Variants in NTNG1 observed in about 807,000 individuals in gnomAD.
NTNG1 encodes netrin-G1.
Under a neutral mutation model 54.0 loss-of-function variants are expected in NTNG1, and 16 were observed. That is an observed-to-expected ratio of 0.30 (90% CI 0.20 to 0.45). The LOEUF is 0.45. Among genes scored for constraint, NTNG1 ranks in the 20% least tolerant of loss-of-function variants. NTNG1 has a pLI of 1.00. For synonymous variants in NTNG1, 255 were observed against 263.1 expected, an observed-to-expected ratio of 0.97 and a Z score of 0.30; for missense variants, 530 against 678.7, an observed-to-expected ratio of 0.78 and a Z score of 2.43.
chr1:107,268,445 C>G (rs1570542963), intron 2 of NTNG1, among the ~76,000 whole-genome samples: 1 of 151,700 alleles, frequency 6.6e-6, no homozygotes, highest in East Asian at 1.9e-4. Flanking sequence ...ACTGTCTTCA[C>G]TGGGCTTTTT....
At chr1:107,197,543 A>G (rs979404469) in intron 2 of NTNG1, among the ~76,000 whole-genome samples, 1 of 151,924 alleles carries the variant, frequency 6.6e-6, no homozygotes, top group African/African-American at 2.4e-5. Flanking sequence ...TTCAGATGCC[A>G]CCTTGGCTAC....
chr1:107,159,587 A>G (rs1655262385), intron 2 of NTNG1, among the ~76,000 whole-genome samples: 1 of 152,160 alleles, frequency 6.6e-6, no homozygotes, highest in African/African-American at 2.4e-5. Flanking sequence ...TGCAAACAGG[A>G]TATAAACCCA....
intron 5 of NTNG1, among the ~76,000 whole-genome samples, chr1:107,417,837 AT>A (rs1557983086): frequency 6.6e-6 from 1 of 152,134 alleles, no homozygotes; most frequent in African/African-American, 2.4e-5. Context: ...TCTGCCTTCC[AT>A]AACTGGAAGA....
intron 3 of NTNG1, among the ~76,000 whole-genome samples, chr1:107,379,539 A>C (rs1158907457): frequency 6.6e-6 from 1 of 152,178 alleles, no homozygotes; most frequent in Non-Finnish European, 1.5e-5. Flanking sequence ...TCATGTGATA[A>C]TTTAGCAATA....
At chr1:107,342,637 A>T (rs1250242208) in intron 3 of NTNG1, among the ~76,000 whole-genome samples, 5 of 152,114 alleles carry the variant, frequency 3.3e-5, no homozygotes, top group South Asian at 2.1e-4. Flanking sequence ...CAAATGCCAA[A>T]TTTCTAAAAT....
intron 7 of NTNG1, among the ~76,000 whole-genome samples, chr1:107,464,438 C>A (rs1022805677): frequency 6.6e-6 from 1 of 152,114 alleles, no homozygotes; most frequent in Non-Finnish European, 1.5e-5. Context: ...GCAAGCCCAG[C>A]ATGGAAATGA....
chr1:107,300,424 C>T (rs1253478831), intron 2 of NTNG1, among the ~76,000 whole-genome samples: 1 of 152,156 alleles, frequency 6.6e-6, no homozygotes, highest in East Asian at 1.9e-4. Context: ...CCATTGCTTC[C>T]CTAATCTAGT....
chr1:107,279,234 A>C (rs770271322), intron 2 of NTNG1, among the ~76,000 whole-genome samples: 3 of 152,078 alleles, frequency 2.0e-5, no homozygotes, highest in Non-Finnish European at 4.4e-5. Flanking sequence ...TATCTACCTC[A>C]TATTAATCTC....
intron 1 of NTNG1, 92 bp downstream of exon 1, chr1:107,141,232 G>C (rs1254380988): frequency 1.3e-5 from 2 of 151,784 alleles, no homozygotes; most frequent in Admixed American, 1.3e-4. Flanking sequence ...CGGAATCCCC[G>C]GGCTGCGGCG....
chr1:107,357,843 G>T (rs1670028929), intron 3 of NTNG1, among the ~76,000 whole-genome samples: 1 of 152,070 alleles, frequency 6.6e-6, no homozygotes, highest in African/African-American at 2.4e-5. Context: ...GGAAAATATT[G>T]ATTAGAAACA....
At position 107,399,539 on chromosome 1, in the gene NTNG1, T is replaced by C. The variant is rs111256200; in HGVS notation, c.1060+4213T>C. 2.0e-5 allele frequency among the ~76,000 whole-genome samples: 3 copies of C among 152,294 alleles called. No homozygotes were observed. The East Asian group carries it at 5.8e-4, about 29-fold the overall frequency. Reference sequence around the variant, plus strand: ...GGTATCAAGTTTGCATTGACCAATTTATATTTTCCCAGGTGTACACATGTA... The same window carrying C: ...GGTATCAAGTTTGCATTGACCAATTCATATTTTCCCAGGTGTACACATGTA... On this transcript the variant is annotated intron_variant, in intron 4 of 7. Transcript: ENST00000370068.
chr1:107,363,464 A>G (rs563705047), intron 3 of NTNG1, among the ~76,000 whole-genome samples: 50 of 152,328 alleles, frequency 3.3e-4, no homozygotes, highest in African/African-American at 1.2e-3. Flanking sequence ...TGCGTTCAAC[A>G]TCATGCCTAA....
intron 2 of NTNG1, among the ~76,000 whole-genome samples, chr1:107,196,575 C>G (rs1658347916): frequency 6.6e-6 from 1 of 151,764 alleles, no homozygotes; most frequent in South Asian, 2.1e-4. Flanking sequence ...TAGATGTGTG[C>G]CTTTGAAAAA....
intron 2 of NTNG1, among the ~76,000 whole-genome samples, chr1:107,273,751 T>C (rs1664299761): frequency 6.6e-6 from 1 of 152,200 alleles, no homozygotes; most frequent in Admixed American, 6.5e-5. Flanking sequence ...ATGGGCCTCT[T>C]GTCGAGTACA....
intron 2 of NTNG1, among the ~76,000 whole-genome samples, chr1:107,310,209 T>C (rs1452483627): frequency 1.3e-5 from 2 of 152,260 alleles, no homozygotes; most frequent in Non-Finnish European, 2.9e-5. Context: ...GACTTTCATC[T>C]CTCTAACAAT....
intron 2 of NTNG1, among the ~76,000 whole-genome samples, chr1:107,200,074 C>T (rs995076058): frequency 1.3e-5 from 2 of 151,778 alleles, no homozygotes; most frequent in South Asian, 2.1e-4. Flanking sequence ...CCTTCTTTAG[C>T]CAGATATGTA....
chr1:107,295,615 A>G (rs993921628), intron 2 of NTNG1, among the ~76,000 whole-genome samples: 13 of 152,158 alleles, frequency 8.5e-5, no homozygotes, highest in Non-Finnish European at 1.5e-5. Context: ...AGATGATAGT[A>G]TGAATTTTGC....
At chr1:107,459,138 G>A (rs974636613) in intron 7 of NTNG1, among the ~76,000 whole-genome samples, 1 of 151,956 alleles carries the variant, frequency 6.6e-6, no homozygotes, top group Non-Finnish European at 1.5e-5. Context: ...ATATCAAAGA[G>A]GAAAAAGTTA....
chr1:107,470,440 C>A (rs543330787), intron 7 of NTNG1, among the ~76,000 whole-genome samples: 1 of 152,246 alleles, frequency 6.6e-6, no homozygotes, highest in African/African-American at 2.4e-5. Flanking sequence ...TATAAATAAA[C>A]ACTGTTCACA....
Sources: allele counts gnomAD v4.1 joint callset (sites outside exome capture counted in the v4.1 genomes callset), GRCh38; gene constraint gnomAD v4.1.1; transcripts MANE v1.5; gene names NCBI Gene and HGNC (gene_info 2026-07-23, HGNC 2026-07-21).